EPHA6: variants seen among roughly 807,000 people sequenced by gnomAD.
EPHA6 encodes the protein ephrin type-A receptor 6.
A neutral mutation model predicts 112.0 loss-of-function variants in EPHA6; 50 were observed. That is an observed-to-expected ratio of 0.45 (90% CI 0.36 to 0.56). The LOEUF (loss-of-function observed/expected upper bound fraction) is 0.56, where lower values mean the gene tolerates loss of function less well. Ranked by LOEUF, EPHA6 falls within the 20% of genes least tolerant of loss-of-function variation. The probability of loss-of-function intolerance (pLI) is 0.00; values close to 1 mark genes in which losing one functional copy is unlikely to be tolerated. For missense variants in EPHA6, 1,280 were observed against 1,417.4 expected (o/e 0.90, Z 1.56); for synonymous variants, 529 against 490.7 (o/e 1.08, Z -1.03).
intron 2 of EPHA6, among the ~76,000 whole-genome samples, chr3:96,892,109 G>C (rs2037996797): frequency 6.6e-6 from 1 of 152,164 alleles, no homozygotes; most frequent in Non-Finnish European, 1.5e-5. Context: ...TGTTTGACTT[G>C]AGAAACTACA....
rs1377972918 is a variant in EPHA6, at chr3:96,985,622, G to A, written c.451-1708G>A. Among the ~76,000 whole-genome samples, 11 of 152,158 alleles carry A rather than the reference G, an allele frequency of 7.2e-5. No individual in the cohort carries two copies. The South Asian group carries it at 1.5e-3, about 20-fold the overall frequency. ...CCCTGGTAAAAAATGTGTGTATTTT[G>A]TAAAATTAAATATACAATTCAAAGG... On this transcript the variant is annotated intron_variant, in intron 2 of 17. Transcript: ENST00000389672.
At chr3:97,132,977 A>G (rs1396094446) in intron 3 of EPHA6, among the ~76,000 whole-genome samples, 1 of 152,096 alleles carries the variant, frequency 6.6e-6, no homozygotes, top group Non-Finnish European at 1.5e-5. Flanking sequence ...CTCCTGTTAC[A>G]GCATAACAGT....
Position 97,403,961 on chromosome 3 carries a change from AAT to A in EPHA6, c.1607-1184_1607-1183del, listed in dbSNP as rs2087164159. On this transcript the variant is annotated intron_variant, in intron 5 of 17. Coordinates refer to ENST00000389672, the MANE Select transcript of EPHA6 (RefSeq NM_001080448.3). ...CTTCACCTTACTTTCTTCAGTTAAA[AAT>A]ATATTCTGAAATAACTCTATTCTAG... is the stretch of plus-strand genomic sequence containing the variant. Among the ~76,000 whole-genome samples, 5 of 152,102 alleles carry A rather than the reference AAT, an allele frequency of 3.3e-5. No individual in the cohort carries two copies. The South Asian group carries it at 1.0e-3, about 32-fold the overall frequency.
At chr3:97,610,122 A>G (rs1287796059) in intron 12 of EPHA6, among the ~76,000 whole-genome samples, 1 of 151,570 alleles carries the variant, frequency 6.6e-6, no homozygotes, top group Non-Finnish European at 1.5e-5. Flanking sequence ...ATACCAGACT[A>G]CAAAATCAGA....
rs138592992 is a variant in EPHA6, at chr3:97,691,121, T to A, written c.2785-29140T>A. 3.3e-5 allele frequency among the ~76,000 whole-genome samples: 5 copies of A among 152,338 alleles called. No individual in the cohort carries two copies. The South Asian group carries it at 1.0e-3, about 32-fold the overall frequency. On this transcript the variant is annotated intron_variant, in intron 14 of 17. Coordinates refer to ENST00000389672, the MANE Select transcript of EPHA6 (RefSeq NM_001080448.3). ...ATTTTGAATTAATTCTTGCATATGG[T>A]ATAAGTTAGGAGTCTAATTTTCTTC...
At chr3:96,949,402 C>T (rs760373738) in intron 2 of EPHA6, among the ~76,000 whole-genome samples, 3 of 151,936 alleles carry the variant, frequency 2.0e-5, no homozygotes, top group Non-Finnish European at 2.9e-5. Context: ...GTGATTTGGG[C>T]CATGTTACCT....
chr3:97,007,553 T>G (rs182429647), intron 3 of EPHA6, among the ~76,000 whole-genome samples: 19 of 152,304 alleles, frequency 1.2e-4, no homozygotes, highest in African/African-American at 4.6e-4. Context: ...TCTTGACTCC[T>G]TATCCAAATC....
At chr3:97,597,489 A>C (rs2093604599) in intron 12 of EPHA6, among the ~76,000 whole-genome samples, 1 of 152,208 alleles carries the variant, frequency 6.6e-6, no homozygotes, top group South Asian at 2.1e-4. Context: ...AGAGATTTGG[A>C]TGAGCCTTAT....
At chr3:97,262,086 C>A (rs1384287891) in intron 5 of EPHA6, among the ~76,000 whole-genome samples, 1 of 152,028 alleles carries the variant, frequency 6.6e-6, no homozygotes, top group Non-Finnish European at 1.5e-5. Context: ...ATACTTTCAT[C>A]AAAAAATAAA....
intron 12 of EPHA6, among the ~76,000 whole-genome samples, chr3:97,601,728 A>C (rs943329069): frequency 6.6e-6 from 1 of 152,124 alleles, no homozygotes; most frequent in Admixed American, 6.6e-5. Context: ...GAAGGAAAGT[A>C]GTCAGTGGTT....
At chr3:96,951,206 C>CT (rs1183642897) in intron 2 of EPHA6, among the ~76,000 whole-genome samples, 1 of 152,060 alleles carries the variant, frequency 6.6e-6, no homozygotes, top group Non-Finnish European at 1.5e-5. Flanking sequence ...ATAGTCTATA[C>CT]TTTTTTATAC....
chr3:97,196,643 G>T (rs1225925690), intron 3 of EPHA6, among the ~76,000 whole-genome samples: 1 of 151,766 alleles, frequency 6.6e-6, no homozygotes, highest in African/African-American at 2.4e-5. Flanking sequence ...TATTCAACGG[G>T]AATTGAGTAT....
intron 2 of EPHA6, among the ~76,000 whole-genome samples, chr3:96,893,809 G>A (rs745547302): frequency 6.6e-6 from 1 of 151,948 alleles, no homozygotes; most frequent in African/African-American, 2.4e-5. Context: ...GGTTTGACCT[G>A]TCTATGATGC....
chr3:97,216,025 C>T (rs1393384096), intron 3 of EPHA6, among the ~76,000 whole-genome samples: 1 of 152,174 alleles, frequency 6.6e-6, no homozygotes, highest in Non-Finnish European at 1.5e-5. Flanking sequence ...AAAGAAACTA[C>T]ATCAGGTGAG....
At chr3:96,939,400 G>A (rs921744972) in intron 2 of EPHA6, among the ~76,000 whole-genome samples, 1 of 152,196 alleles carries the variant, frequency 6.6e-6, no homozygotes, top group African/African-American at 2.4e-5. Flanking sequence ...GCGTAGAGAT[G>A]TTTGTAGTAT....
At chr3:96,983,800 A>G (rs1028361097) in intron 2 of EPHA6, among the ~76,000 whole-genome samples, 1 of 152,138 alleles carries the variant, frequency 6.6e-6, no homozygotes, top group Non-Finnish European at 1.5e-5. Context: ...CTTTTCATTC[A>G]TTTGATCTTC....
intron 6 of EPHA6, among the ~76,000 whole-genome samples, chr3:97,413,453 A>T (rs1391064349): frequency 6.6e-6 from 1 of 151,932 alleles, no homozygotes; most frequent in Non-Finnish European, 1.5e-5. Flanking sequence ...CATTCGTGTG[A>T]GGCTCTGATT....
At chr3:97,361,389 T>C (rs1481333457) in intron 5 of EPHA6, among the ~76,000 whole-genome samples, 1 of 152,192 alleles carries the variant, frequency 6.6e-6, no homozygotes, top group Non-Finnish European at 1.5e-5. Context: ...GATGCCAGGT[T>C]CAGGAACAGT....
chr3:97,483,815 CT>C (rs2091624378), intron 9 of EPHA6, 118 bp from the exon 10 acceptor site: 2 of 1,084,424 alleles, frequency 1.8e-6, no homozygotes, highest in Non-Finnish European at 1.2e-6. Context: ...AAAAGAGAGA[CT>C]TTAAATCATT....
Sources: gnomAD v4.1 joint callset for allele counts (sites outside exome capture counted in the v4.1 genomes callset) on GRCh38, gnomAD v4.1.1 for gene constraint, MANE v1.5 for transcripts, NCBI Gene and HGNC (gene_info 2026-07-23, HGNC 2026-07-21) for gene names.